Variants in GAREM1 observed in about 807,000 individuals in gnomAD.
GAREM1 encodes GRB2-associated and regulator of MAPK protein 1.
GAREM1 carries 26 observed loss-of-function variants against 71.3 expected under a neutral mutation model. The observed-to-expected ratio is 0.36, with a 90% CI of 0.27 to 0.51. The LOEUF (loss-of-function observed/expected upper bound fraction) is 0.51, where lower values mean the gene tolerates loss of function less well. Ranked by LOEUF, GAREM1 falls within the 20% of genes least tolerant of loss-of-function variation. The pLI is 0.95. For missense variants in GAREM1, 1,026 were observed against 1,103.1 expected, an observed-to-expected ratio of 0.93 and a Z score of 0.99; for synonymous variants, 440 against 433.2, an observed-to-expected ratio of 1.02 and a Z score of -0.20.
chr18:32,319,657 G>A (rs887154657), intron 2 of GAREM1, among the ~76,000 whole-genome samples: 5 of 152,250 alleles, frequency 3.3e-5, no homozygotes, highest in African/African-American at 1.2e-4. Context: ...AGGGTGTAGG[G>A]TGAAAAAGTA....
At chr18:32,332,054 A>C (rs183028080) in intron 2 of GAREM1, among the ~76,000 whole-genome samples, 6 of 151,094 alleles carry the variant, frequency 4.0e-5, no homozygotes, top group African/African-American at 1.5e-4. Context: ...GATGCTTGAC[A>C]GAGGCAACTC....
At chr18:32,372,870 A>G (rs2047997093) in intron 2 of GAREM1, among the ~76,000 whole-genome samples, 1 of 152,228 alleles carries the variant, frequency 6.6e-6, no homozygotes, top group Non-Finnish European at 1.5e-5. Context: ...GTTCCTGTAG[A>G]AAACTGGGGG....
intron 4 of GAREM1, among the ~76,000 whole-genome samples, chr18:32,278,737 A>G (rs1234125767): frequency 2.1e-5 from 3 of 145,714 alleles, no homozygotes; most frequent in African/African-American, 5.3e-5. Context: ...TCACATAACC[A>G]TCAGCGGATA....
intron 2 of GAREM1, among the ~76,000 whole-genome samples, chr18:32,326,587 T>G (rs779160735): frequency 1.3e-5 from 2 of 152,236 alleles, no homozygotes; most frequent in Non-Finnish European, 2.9e-5. Flanking sequence ...TGAATGAGTA[T>G]GCTTTCAAAC....
At chr18:32,403,854 T>C (rs150150670) in intron 1 of GAREM1, among the ~76,000 whole-genome samples, 57 of 152,354 alleles carry the variant, frequency 3.7e-4, no homozygotes, top group African/African-American at 1.3e-3. Context: ...TAGATCAACT[T>C]TTTAATGTTT....
chr18:32,413,227 G>A lies in GAREM1; in HGVS notation c.122-20192C>T, dbSNP rs1023951927. ...ACGATGCTTCTTCGGCGGCGTCCAC[G>A]GGCAGAAAGGCCAGAAAAATATTTC... is the stretch of plus-strand genomic sequence containing the variant. On this transcript the variant is annotated intron_variant, in intron 1 of 5. Coordinates refer to ENST00000269209, the MANE Select transcript of GAREM1 (RefSeq NM_001242409.2). 1.7e-4 allele frequency: 267 copies of A among 1,603,568 alleles called. 1 individual carries two copies. Among genetic ancestry groups the A allele is most frequent in the African/African-American group, 1.5e-3 (112 of 74,600 alleles).
At chr18:32,269,847 G>T (rs1030462690) in intron 5 of GAREM1, among the ~76,000 whole-genome samples, 5 of 152,096 alleles carry the variant, frequency 3.3e-5, no homozygotes, top group Non-Finnish European at 7.4e-5. Flanking sequence ...TCCATTTTAG[G>T]TCCTGGTCGA....
chr18:32,361,255 C>T (rs2047862031), intron 2 of GAREM1, among the ~76,000 whole-genome samples: 1 of 152,130 alleles, frequency 6.6e-6, no homozygotes, highest in Non-Finnish European at 1.5e-5. Context: ...CTGATCCCAC[C>T]ATAACCACAC....
intron 2 of GAREM1, among the ~76,000 whole-genome samples, chr18:32,346,278 A>G (rs776743066): frequency 2.7e-4 from 41 of 152,232 alleles, no homozygotes; most frequent in Non-Finnish European, 8.8e-5. Context: ...TATAAACATA[A>G]CTGAAAAAGG....
intron 2 of GAREM1, among the ~76,000 whole-genome samples, chr18:32,355,663 T>C (rs1270901944): frequency 1.3e-5 from 2 of 152,188 alleles, no homozygotes; most frequent in Non-Finnish European, 2.9e-5. Context: ...GAACTTGGAC[T>C]TTTTTCTAGT....
intron 2 of GAREM1, among the ~76,000 whole-genome samples, chr18:32,362,676 C>T (rs2047877324): frequency 6.6e-6 from 1 of 152,182 alleles, no homozygotes; most frequent in Non-Finnish European, 1.5e-5. Flanking sequence ...CAGAGATCAC[C>T]TAACCATCCA....
rs2047550528 is a variant in GAREM1, at chr18:32,332,796, C to G, written c.263-22473G>C. ...GCACTTGAGGCTTCAGAGATGGAAC[C>G]TGTTGTTTCTAAGCTCTTAAAGCTG... On this transcript the variant is annotated intron_variant, in intron 2 of 5. Coordinates refer to ENST00000269209, the MANE Select transcript of GAREM1 (RefSeq NM_001242409.2). Among the ~76,000 whole-genome samples the G allele has an allele frequency of 3.9e-5, 6 of 152,128 alleles. No individual in the cohort carries two copies. The South Asian group carries it at 1.2e-3, about 32-fold the overall frequency.
intron 3 of GAREM1, among the ~76,000 whole-genome samples, chr18:32,302,864 C>A (rs1231606426): frequency 6.6e-6 from 1 of 152,178 alleles, no homozygotes; most frequent in East Asian, 1.9e-4. Flanking sequence ...AGAAAAGGTA[C>A]CGCTGAAATC....
At chr18:32,448,354 G>A (rs1051308226) in intron 1 of GAREM1, among the ~76,000 whole-genome samples, 28 of 152,182 alleles carry the variant, frequency 1.8e-4, no homozygotes, top group African/African-American at 6.8e-4. Flanking sequence ...TAGAGGAGGG[G>A]AGATTATCTG....
chr18:32,392,179 C>T (rs938182994), intron 2 of GAREM1, among the ~76,000 whole-genome samples: 7 of 149,578 alleles, frequency 4.7e-5, no homozygotes, highest in Admixed American at 1.3e-4. Flanking sequence ...TTATAAGTGC[C>T]GGAAAAAGCA....
chr18:32,367,143 T>G (rs1238061243), intron 2 of GAREM1, among the ~76,000 whole-genome samples: 1 of 152,186 alleles, frequency 6.6e-6, no homozygotes, highest in African/African-American at 2.4e-5. Context: ...TATAAATCCT[T>G]TCATTTTCTG....
At chr18:32,371,128 G>C (rs2047974279) in intron 2 of GAREM1, among the ~76,000 whole-genome samples, 1 of 152,050 alleles carries the variant, frequency 6.6e-6, no homozygotes, top group African/African-American at 2.4e-5. Context: ...AGGTGGAGAG[G>C]ACAGCATGAC....
rs2049047523 is a variant in GAREM1, at chr18:32,470,790, C to T, written c.-362G>A. On this transcript the variant is annotated 5_prime_UTR_variant, in exon 1 of 6. Coordinates refer to ENST00000269209, the MANE Select transcript of GAREM1 (RefSeq NM_001242409.2). This position sits in a 1 kb window ranked among gnomAD's most constrained non-coding sequence, Gnocchi z 4.4. ...GCTGCGGCGGCCGCCCGCTCGCCTC[C>T]TCCTCCTCTTACCCCTCCTTCCCTC... is the stretch of plus-strand genomic sequence containing the variant. 6.7e-6 allele frequency among the ~76,000 whole-genome samples: 1 copy of T among 150,258 alleles called. No homozygotes were observed. The highest frequency in any genetic ancestry group is 1.5e-5 in the Non-Finnish European group (1 of 67,280).
intron 2 of GAREM1, among the ~76,000 whole-genome samples, chr18:32,352,060 A>T (rs769082827): frequency 3.9e-5 from 6 of 152,174 alleles, no homozygotes; most frequent in Non-Finnish European, 7.3e-5. Context: ...CAAACCAAAC[A>T]TCCTTTCTTT....
Sources: allele counts gnomAD v4.1 joint callset (sites outside exome capture counted in the v4.1 genomes callset), GRCh38; gene constraint gnomAD v4.1.1; non-coding constraint Gnocchi (gnomAD v3.1); transcripts MANE v1.5; gene names NCBI Gene and HGNC (gene_info 2026-07-23, HGNC 2026-07-21).